Variants in TDRD7 observed in about 807,000 individuals in gnomAD.
TDRD7 encodes tudor domain containing 7.
A neutral mutation model predicts 109.8 loss-of-function variants in TDRD7; 47 were observed. The ratio of observed to expected loss-of-function variants is 0.43; its 90% CI spans 0.34 to 0.55. The LOEUF is 0.55. TDRD7 is among the 20% of genes least tolerant of loss of function. The probability of loss-of-function intolerance (pLI) is 0.03; values close to 1 mark genes in which losing one functional copy is unlikely to be tolerated. For synonymous variants in TDRD7, 424 were observed against 457.3 expected (o/e 0.93, Z 0.93); for missense variants, 1,164 against 1,319.2 (o/e 0.88, Z 1.82).
rs150324884 is a variant in TDRD7, at chr9:97,480,796, G to T, written c.2302-32G>T. Reference sequence around the variant, plus strand: ...TCATAACTAGGTATTTTAACATGGTGTGTTCACTTTTCCATCATATTTTCT... The same window carrying T: ...TCATAACTAGGTATTTTAACATGGTTTGTTCACTTTTCCATCATATTTTCT... On this transcript the variant is annotated intron_variant, in intron 13 of 16. Transcript: ENST00000355295. The T allele has an allele frequency of 1.9e-3, 2,926 of 1,530,292 alleles. 2 individuals are homozygous for T. The highest frequency in any genetic ancestry group is 2.4e-3 in the Non-Finnish European group (2,681 of 1,103,586). 94.8% of individuals were successfully genotyped at this position (1,530,292 alleles called of 1,614,324 possible). A position where few individuals can be genotyped will look rare whatever the true frequency, so the allele number is the denominator to read the frequency against.
chr9:97,466,553 A>G (rs1327121309), intron 8 of TDRD7, among the ~76,000 whole-genome samples: 3 of 152,212 alleles, frequency 2.0e-5, no homozygotes, highest in Non-Finnish European at 4.4e-5. Flanking sequence ...AATGTTCACC[A>G]ACAGGTGGAT....
intron 1 of TDRD7, among the ~76,000 whole-genome samples, chr9:97,417,438 T>C (rs1226277019): frequency 6.6e-6 from 1 of 152,108 alleles, no homozygotes; most frequent in Non-Finnish European, 1.5e-5. Flanking sequence ...AGAGACCAGC[T>C]AAGAGCCCAG....
intron 16 of TDRD7, among the ~76,000 whole-genome samples, chr9:97,487,594 G>C (rs1482922364): frequency 6.6e-6 from 1 of 151,602 alleles, no homozygotes; most frequent in African/African-American, 2.4e-5. Flanking sequence ...CTAAAGCTGT[G>C]ATCTTAGTAC....
At chr9:97,425,345 T>C (rs1424779995) in intron 1 of TDRD7, among the ~76,000 whole-genome samples, 1 of 152,224 alleles carries the variant, frequency 6.6e-6, no homozygotes, top group African/African-American at 2.4e-5. Flanking sequence ...TATAATACTG[T>C]ATTTTTCTAT....
intron 11 of TDRD7, among the ~76,000 whole-genome samples, chr9:97,474,454 T>C (rs1308400625): frequency 6.6e-6 from 1 of 152,198 alleles, no homozygotes; most frequent in South Asian, 2.1e-4. Flanking sequence ...GACCGTATGC[T>C]TCTTGAGGGC....
chr9:97,483,454 G>A (rs1359825384), intron 15 of TDRD7, 103 bp downstream of exon 15: 1 of 1,311,184 alleles, frequency 7.6e-7, no homozygotes, highest in East Asian at 2.5e-5. Flanking sequence ...GTACTAATGG[G>A]AATTTTGAAT....
Position 97,428,574 on chromosome 9 carries a change from G to T in TDRD7, c.109G>T (p.Asp37Tyr), listed in dbSNP as rs1408623207. The change falls in exon 2 of 17, where the codon GAC becomes TAC. Residue 37 changes from aspartate to tyrosine, a missense_variant. By Grantham distance (160) the Asp-to-Tyr change is radical (BLOSUM62 -3). This residue lies in a region of TDRD7 where 101 missense variants were observed against 148.5 expected (regional missense o/e 0.68). Transcript: ENST00000355295. ...AGGAGAGTACAGATCCTTGACTGGA[G>T]ACTGGATCCCCTTCAAACAGCTAGG... is the stretch of plus-strand genomic sequence containing the variant. ...LQGEYRSLTG[D>Y]WIPFKQLGFP... 1 of 1,613,908 alleles carries T rather than the reference G, an allele frequency of 6.2e-7. No individual in the cohort carries two copies. Among genetic ancestry groups the T allele is most frequent in the Non-Finnish European group, 8.5e-7 (1 of 1,179,922 alleles).
rs7853578 is a variant in TDRD7 at position 97,439,269 on chromosome 9, A to G, written c.588A>G (p.Gln196=). The change falls in exon 5 of 17, where the codon CAA becomes CAG. Residue 196 remains glutamine, a synonymous_variant. Coordinates refer to ENST00000355295, the MANE Select transcript of TDRD7 (RefSeq NM_014290.3). ...NNRFSPKASL[Q]PPLQMHLSRT... ...GGTTTAGCCCAAAGGCGTCCCTTCA[A>G]CCACCTTTGCAGATGCATCTCTCAA... 67,650 of 1,601,674 alleles carry G rather than the reference A, an allele frequency of 0.042. 2,330 individuals carry two copies. Among genetic ancestry groups the G allele is most frequent in the African/African-American group, 0.16 (12,039 of 74,712 alleles).
chr9:97,427,549 C>A (rs1828021245), intron 1 of TDRD7, among the ~76,000 whole-genome samples: 1 of 152,196 alleles, frequency 6.6e-6, no homozygotes, highest in Non-Finnish European at 1.5e-5. Flanking sequence ...GTGAATATAT[C>A]TGCATGGCTG....
chr9:97,454,917 C>T (rs956646622), intron 6 of TDRD7, among the ~76,000 whole-genome samples: 15 of 151,806 alleles, frequency 9.9e-5, no homozygotes, highest in African/African-American at 1.7e-4. Flanking sequence ...TGAAGATTAA[C>T]GAAATAGACC....
intron 6 of TDRD7, among the ~76,000 whole-genome samples, chr9:97,447,750 G>A (rs1828426390): frequency 6.6e-6 from 1 of 152,048 alleles, no homozygotes; most frequent in Admixed American, 6.6e-5. Flanking sequence ...TGAGAGCAAG[G>A]AATGTGTCCA....
intron 14 of TDRD7, among the ~76,000 whole-genome samples, chr9:97,482,419 A>G (rs988769056): frequency 1.2e-4 from 18 of 152,214 alleles, no homozygotes; most frequent in Non-Finnish European, 2.5e-4. Context: ...CAGAACGCTC[A>G]TAAATCATTT....
Position 97,470,686 on chromosome 9 carries a change from A to G in TDRD7, c.1741+17A>G, listed in dbSNP as rs1221945325. 2 of 1,595,618 alleles carry G rather than the reference A, an allele frequency of 1.3e-6. No individual in the cohort carries two copies. The highest frequency in any genetic ancestry group is 2.7e-5 in the African/African-American group (2 of 74,666). On this transcript the variant is annotated intron_variant, in intron 9 of 16. Coordinates refer to ENST00000355295, the MANE Select transcript of TDRD7 (RefSeq NM_014290.3). ...AGCTTGCAGGTAAGAGGAACTTTTT[A>G]AAAAACTCTCTCCATTTCAATAGGC...
chr9:97,465,139 A>G, intron 8 of TDRD7, 111 bp downstream of exon 8: 1 of 1,365,896 alleles, frequency 7.3e-7, no homozygotes, highest in Non-Finnish European at 1.0e-6. Context: ...CTATAATTAA[A>G]TGTAGTTTTC....
At chr9:97,454,185 T>TA (rs1412243206) in intron 6 of TDRD7, among the ~76,000 whole-genome samples, 2 of 152,162 alleles carry the variant, frequency 1.3e-5, no homozygotes, top group Non-Finnish European at 2.9e-5. Flanking sequence ...ACTGAAATTA[T>TA]AAAAAACAGT....
intron 12 of TDRD7, among the ~76,000 whole-genome samples, chr9:97,476,543 C>T (rs569633867): frequency 3.5e-5 from 5 of 144,600 alleles, no homozygotes; most frequent in Non-Finnish European, 7.5e-5. Context: ...TAGTGACATA[C>T]CATCTCTACA....
Position 97,490,061 on chromosome 9 carries a change from C to G in TDRD7, c.3076+2729C>G, listed in dbSNP as rs376153173. Among the ~76,000 whole-genome samples, 25 of 152,228 alleles carry G rather than the reference C, an allele frequency of 1.6e-4. 1 individual carries two copies. The South Asian group carries it at 5.0e-3, about 30-fold the overall frequency. On this transcript the variant is annotated intron_variant, in intron 16 of 16. Transcript: ENST00000355295. ...ACACACACACACACGCATACAGAAT[C>G]AAATACATTGTTGCTATTATTTTGA... is the stretch of plus-strand genomic sequence containing the variant.
chr9:97,415,353 G>A lies in TDRD7; in HGVS notation c.-7+3115G>A, dbSNP rs563695078. Reference sequence around the variant, plus strand: ...TAGAGGAAGCAGATAACATGCAAATGACTGAGCCAGGGAGGATCAATCAAT... The same window carrying A: ...TAGAGGAAGCAGATAACATGCAAATAACTGAGCCAGGGAGGATCAATCAAT... On this transcript the variant is annotated intron_variant, in intron 1 of 16. Coordinates refer to ENST00000355295, the MANE Select transcript of TDRD7 (RefSeq NM_014290.3). 1.1e-4 allele frequency among the ~76,000 whole-genome samples: 17 copies of A among 152,320 alleles called. No homozygotes were observed. The South Asian group carries it at 3.3e-3, about 30-fold the overall frequency.
At chr9:97,431,514 C>T (rs189930636) in intron 3 of TDRD7, among the ~76,000 whole-genome samples, 259 of 152,102 alleles carry the variant, frequency 1.7e-3, no homozygotes, top group Non-Finnish European at 3.0e-3. Flanking sequence ...CTTTGTTTAC[C>T]GAACACTTAT....
Sources: gnomAD v4.1 joint callset for allele counts (sites outside exome capture counted in the v4.1 genomes callset) on GRCh38, gnomAD v4.1.1 for gene constraint, gnomAD v4.1.1 regional missense constraint, MANE v1.5 for transcripts, NCBI Gene and HGNC (gene_info 2026-07-23, HGNC 2026-07-21) for gene names.